CTNNA3: variants seen among roughly 807,000 people sequenced by gnomAD.
CTNNA3 encodes catenin alpha 3.
A neutral mutation model predicts 95.7 loss-of-function variants in CTNNA3; 76 were observed. That is an observed-to-expected ratio of 0.79 (90% CI 0.66 to 0.96). CTNNA3 has a LOEUF of 0.96. Among genes scored for constraint, CTNNA3 ranks in the 40% least tolerant of loss-of-function variants. The probability of loss-of-function intolerance (pLI) is 0.00; values close to 1 mark genes in which losing one functional copy is unlikely to be tolerated. For missense variants in CTNNA3, 1,191 were observed against 1,089.8 expected (o/e 1.09, Z -1.31); for synonymous variants, 431 against 374.4 (o/e 1.15, Z -1.74).
At chr10:67,268,549 C>T (rs975609885) in intron 5 of CTNNA3, among the ~76,000 whole-genome samples, 2 of 151,822 alleles carry the variant, frequency 1.3e-5, no homozygotes, top group African/African-American at 4.8e-5. Flanking sequence ...GGTCCCTCTA[C>T]GGCCTTTTTT....
intron 5 of CTNNA3, among the ~76,000 whole-genome samples, chr10:67,347,832 G>A (rs1478604451): frequency 1.9e-4 from 26 of 133,880 alleles, no homozygotes; most frequent in South Asian, 4.7e-4. Context: ...GTGTTTTCCT[G>A]AAAAAAAAAA....
At chr10:67,595,567 T>A (rs1389507708) in intron 3 of CTNNA3, among the ~76,000 whole-genome samples, 1 of 152,094 alleles carries the variant, frequency 6.6e-6, no homozygotes, top group African/African-American at 2.4e-5. Flanking sequence ...TTTGGTTGAT[T>A]TTAGAGTATG....
chr10:66,069,558 A>G (rs2080387770), intron 14 of CTNNA3, 69 bp from the exon 15 acceptor site: 1 of 1,171,852 alleles, frequency 8.5e-7, no homozygotes, highest in South Asian at 1.5e-5. Flanking sequence ...ATAAGTAGAT[A>G]TTATAGGATA....
intron 7 of CTNNA3, among the ~76,000 whole-genome samples, chr10:66,822,604 C>T (rs767569364): frequency 1.9e-4 from 29 of 152,196 alleles, no homozygotes; most frequent in Non-Finnish European, 4.1e-4. Flanking sequence ...GTTCTGGCGA[C>T]ACTTCCAGTA....
chr10:67,201,105 C>A (rs1338948213), intron 6 of CTNNA3, among the ~76,000 whole-genome samples: 1 of 152,166 alleles, frequency 6.6e-6, no homozygotes, highest in African/African-American at 2.4e-5. Flanking sequence ...ACTGACTCAA[C>A]ACTCACATGA....
intron 3 of CTNNA3, among the ~76,000 whole-genome samples, chr10:67,550,054 T>C (rs1470369250): frequency 1.3e-5 from 2 of 152,194 alleles, no homozygotes; most frequent in South Asian, 2.1e-4. Context: ...TTTTGATATA[T>C]ATAAATGTGG....
intron 7 of CTNNA3, among the ~76,000 whole-genome samples, chr10:66,975,808 A>C (rs1266896180): frequency 3.3e-5 from 5 of 152,176 alleles, no homozygotes; most frequent in Non-Finnish European, 7.4e-5. Context: ...AAGTTAACAC[A>C]TGATATTTTG....
At chr10:66,333,279 T>C (rs1242774062) in intron 12 of CTNNA3, among the ~76,000 whole-genome samples, 2 of 152,086 alleles carry the variant, frequency 1.3e-5, no homozygotes, top group African/African-American at 4.8e-5. Context: ...AGTTTTTGAA[T>C]GTGTTTGCTC....
intron 10 of CTNNA3, among the ~76,000 whole-genome samples, chr10:66,542,083 T>A (rs867293255): frequency 1.3e-5 from 2 of 151,944 alleles, no homozygotes; most frequent in Non-Finnish European, 2.9e-5. Context: ...GCAAAGGACA[T>A]GAACAGACAC....
Position 67,129,755 on chromosome 10 carries a change from G to A in CTNNA3, c.1047+50562C>T, listed in dbSNP as rs184279118. Among the ~76,000 whole-genome samples the A allele has an allele frequency of 1.1e-3, 164 of 152,210 alleles. 1 individual carries two copies. Among genetic ancestry groups the A allele is most frequent in the African/African-American group, 3.8e-3 (158 of 41,568 alleles). ...GTGAAGTCTTTCAGTATTTTAAGAA[G>A]TAGAAAACCTTGGTTGAGACCTCAC... On this transcript the variant is annotated intron_variant, in intron 7 of 17. Coordinates refer to ENST00000433211, the MANE Select transcript of CTNNA3 (RefSeq NM_013266.4).
At chr10:67,536,436 T>C (rs1352263402) in intron 4 of CTNNA3, among the ~76,000 whole-genome samples, 2 of 152,142 alleles carry the variant, frequency 1.3e-5, no homozygotes, top group African/African-American at 2.4e-5. Context: ...TTAGTGATCA[T>C]CTATTGTTAG....
chr10:66,084,392 TA>T (rs879547904), intron 14 of CTNNA3, among the ~76,000 whole-genome samples: 4 of 150,366 alleles, frequency 2.7e-5, no homozygotes, highest in African/African-American at 2.4e-5. Context: ...AATTAAAAAC[TA>T]AAAAAAAAGA....
intron 7 of CTNNA3, among the ~76,000 whole-genome samples, chr10:66,867,477 T>C (rs867850179): frequency 1.3e-5 from 2 of 152,134 alleles, no homozygotes; most frequent in African/African-American, 4.8e-5. Context: ...CAGGGGGAGA[T>C]ACAAAGAAGG....
intron 13 of CTNNA3, among the ~76,000 whole-genome samples, chr10:66,188,800 A>T (rs1021487641): frequency 3.9e-5 from 6 of 152,228 alleles, no homozygotes; most frequent in Middle Eastern, 3.4e-3. Flanking sequence ...CTTAAGGAAC[A>T]GCTATACTGT....
At chr10:67,496,069 G>A (rs1218952957) in intron 5 of CTNNA3, among the ~76,000 whole-genome samples, 1 of 152,154 alleles carries the variant, frequency 6.6e-6, no homozygotes, top group Non-Finnish European at 1.5e-5. Flanking sequence ...ATGCTGTGTA[G>A]TATATTTCTT....
intron 11 of CTNNA3, among the ~76,000 whole-genome samples, chr10:66,469,059 A>G (rs991397372): frequency 1.3e-5 from 2 of 151,962 alleles, no homozygotes; most frequent in Non-Finnish European, 2.9e-5. Flanking sequence ...GCACAAATGC[A>G]TGGTGGCATC....
At chr10:67,038,618 T>G (rs1468180968) in intron 7 of CTNNA3, among the ~76,000 whole-genome samples, 1 of 152,088 alleles carries the variant, frequency 6.6e-6, no homozygotes, top group South Asian at 2.1e-4. Context: ...GCTAGTATAT[T>G]TTTGTTATCT....
At chr10:67,321,559 T>A (rs1355058137) in intron 5 of CTNNA3, among the ~76,000 whole-genome samples, 1 of 152,272 alleles carries the variant, frequency 6.6e-6, no homozygotes, top group East Asian at 1.9e-4. Context: ...ACACAGACCA[T>A]AATCTTTTGA....
At position 66,112,314 on chromosome 10, in the gene CTNNA3, T is replaced by C. The variant is rs111501317; in HGVS notation, c.1885-9065A>G. Among the ~76,000 whole-genome samples, 1,412 of 152,260 alleles carry C rather than the reference T, an allele frequency of 9.3e-3. 16 individuals carry two copies. Among genetic ancestry groups the C allele is most frequent in the African/African-American group, 0.032 (1,322 of 41,564 alleles). On this transcript the variant is annotated intron_variant, in intron 13 of 17. Coordinates refer to ENST00000433211, the MANE Select transcript of CTNNA3 (RefSeq NM_013266.4). ...TGAGTTAATGCAACAGAAGAATAAATGAAGATGCAAATAAGATGTATGTCT... is the reference window on the plus strand; with the variant it reads ...TGAGTTAATGCAACAGAAGAATAAACGAAGATGCAAATAAGATGTATGTCT...
Sources: allele counts gnomAD v4.1 joint callset (sites outside exome capture counted in the v4.1 genomes callset), GRCh38; gene constraint gnomAD v4.1.1; transcripts MANE v1.5; gene names NCBI Gene and HGNC (gene_info 2026-07-23, HGNC 2026-07-21).